The following CPSF6 variants were observed in gnomAD, a reference collection of about 807,000 sequenced individuals.
CPSF6 encodes the protein cleavage and polyadenylation specificity factor subunit 6.
In CPSF6, 10 loss-of-function variants were observed where a neutral mutation model predicts 56.7. The observed-to-expected ratio is 0.18, with a 90% CI of 0.11 to 0.30. The LOEUF is 0.30. Ranked by LOEUF, CPSF6 falls within the 10% of genes least tolerant of loss-of-function variation. The probability of loss-of-function intolerance (pLI) is 1.00; values close to 1 mark genes in which losing one functional copy is unlikely to be tolerated. For missense variants in CPSF6, 419 were observed against 722.9 expected, an observed-to-expected ratio of 0.58 and a Z score of 4.82; for synonymous variants, 248 against 244.8, an observed-to-expected ratio of 1.01 and a Z score of -0.12.
At chr12:69,245,224 A>G (rs1871836143) in intron 1 of CPSF6, among the ~76,000 whole-genome samples, 1 of 151,980 alleles carries the variant, frequency 6.6e-6, no homozygotes, top group African/African-American at 2.4e-5. Flanking sequence ...CTTTTATATG[A>G]CTGAGAGCAC....
At chr12:69,253,756 A>G (rs1210139269) in intron 3 of CPSF6, among the ~76,000 whole-genome samples, 1 of 152,282 alleles carries the variant, frequency 6.6e-6, no homozygotes, top group Middle Eastern at 3.4e-3. Context: ...AAATAAATAC[A>G]CATCCTCTCT....
At chr12:69,246,717 C>T (rs1404021908) in intron 1 of CPSF6, among the ~76,000 whole-genome samples, 1 of 152,112 alleles carries the variant, frequency 6.6e-6, no homozygotes, top group African/African-American at 2.4e-5. Context: ...AATGTAACTT[C>T]CCCCCTTCAT....
At chr12:69,262,607 A>T in intron 9 of CPSF6, 45 bp downstream of exon 9, 1 of 1,553,248 alleles carries the variant, frequency 6.4e-7, no homozygotes, top group Non-Finnish European at 8.7e-7. Flanking sequence ...TATTCTTAAC[A>T]GTAACTATAA....
intron 2 of CPSF6, 71 bp downstream of exon 2, chr12:69,251,409 T>C: frequency 9.7e-7 from 1 of 1,025,706 alleles, no homozygotes; most frequent in Non-Finnish European, 1.4e-6. Context: ...TTAATGTTTT[T>C]CTCCAGATTT....
chr12:69,262,639 A>G, intron 9 of CPSF6, 77 bp downstream of exon 9: 4 of 1,354,700 alleles, frequency 3.0e-6, no homozygotes, highest in Non-Finnish European at 3.9e-6. Context: ...CTGTTTATAC[A>G]GTATATACCT....
intron 9 of CPSF6, among the ~76,000 whole-genome samples, chr12:69,265,934 A>G (rs1346778516): frequency 6.6e-6 from 1 of 151,258 alleles, no homozygotes; most frequent in Non-Finnish European, 1.5e-5. Context: ...CCTACCTTAA[A>G]TATCATGATC....
At chr12:69,260,018 T>C in intron 7 of CPSF6, 26 bp from the exon 8 acceptor site, 1 of 1,606,784 alleles carries the variant, frequency 6.2e-7, no homozygotes, top group Non-Finnish European at 8.5e-7. Context: ...TTTGTTTGAC[T>C]TCAAACCCTT....
intron 1 of CPSF6, among the ~76,000 whole-genome samples, chr12:69,250,076 C>T (rs1872149763): frequency 6.6e-6 from 1 of 151,956 alleles, no homozygotes; most frequent in Non-Finnish European, 1.5e-5. Flanking sequence ...ACATGTATTT[C>T]GTTTATTTCT....
At chr12:69,240,082 C>T (rs1871526484) in intron 1 of CPSF6, among the ~76,000 whole-genome samples, 1 of 151,596 alleles carries the variant, frequency 6.6e-6, no homozygotes, top group Non-Finnish European at 1.5e-5. Flanking sequence ...GCCGCCGCCG[C>T]GCCCCCTCCC....
intron 2 of CPSF6, chr12:69,252,112 T>A (rs753648365): frequency 2.2e-6 from 1 of 454,902 alleles, no homozygotes; most frequent in South Asian, 1.6e-5. Context: ...CAAAACTCTG[T>A]CACCCAGGCT....
At chr12:69,259,633 C>A in intron 7 of CPSF6, 90 bp downstream of exon 7, 1 of 1,052,352 alleles carries the variant, frequency 9.5e-7, no homozygotes, top group Non-Finnish European at 1.4e-6. Context: ...AGGTCATTTA[C>A]ATGTAGTAGT....
At chr12:69,268,381 C>T (rs1036282331) in intron 9 of CPSF6, among the ~76,000 whole-genome samples, 1 of 151,442 alleles carries the variant, frequency 6.6e-6, no homozygotes, top group Non-Finnish European at 1.5e-5. Context: ...TAAGTTATTA[C>T]TGCTAGGCAG....
intron 4 of CPSF6, among the ~76,000 whole-genome samples, chr12:69,257,079 AG>A: frequency 6.6e-6 from 1 of 152,310 alleles, no homozygotes; most frequent in South Asian, 2.1e-4. Flanking sequence ...ACAATGTGCA[AG>A]TTCTATAGCC....
At chr12:69,249,221 A>T (rs915798637) in intron 1 of CPSF6, among the ~76,000 whole-genome samples, 4 of 134,864 alleles carry the variant, frequency 3.0e-5, no homozygotes, top group Non-Finnish European at 6.2e-5. Flanking sequence ...CAGTGAGCCG[A>T]GATTGCGCCA....
In CPSF6 at chr12:69,259,996, T is replaced by G. The variant is rs186080827; in HGVS notation, c.1316-48T>G. The stretch of plus-strand genomic sequence containing the variant: ...TTATCCCAAGTGGTTTGATGGTGTT[T>G]TGAAAACAAAATTTGTTTGACTTCA... On this transcript the variant is annotated intron_variant, in intron 7 of 9. Transcript: ENST00000435070. 511 of 1,600,122 alleles carry G rather than the reference T, an allele frequency of 3.2e-4. 5 individuals are homozygous for G. In the East Asian group the frequency reaches 0.011, roughly 36 times the overall value.
At chr12:69,265,829 C>T (rs186820867) in intron 9 of CPSF6, among the ~76,000 whole-genome samples, 3 of 151,608 alleles carry the variant, frequency 2.0e-5, no homozygotes, top group Non-Finnish European at 2.9e-5. Flanking sequence ...CTCAAACTCC[C>T]GACGTCAGGT....
chr12:69,263,965 CA>C (rs1872860637), intron 9 of CPSF6, among the ~76,000 whole-genome samples: 1 of 151,728 alleles, frequency 6.6e-6, no homozygotes, highest in Non-Finnish European at 1.5e-5. Context: ...TAATATGAGG[CA>C]AAAAAACCTT....
intron 4 of CPSF6, among the ~76,000 whole-genome samples, chr12:69,257,352 T>G (rs2120556616): frequency 6.6e-6 from 1 of 152,334 alleles, no homozygotes; most frequent in East Asian, 1.9e-4. Context: ...TAACAGAAAT[T>G]CAAGTGGTTC....
intron 3 of CPSF6, among the ~76,000 whole-genome samples, 193 bp downstream of exon 3, chr12:69,253,347 A>T (rs1026622523): frequency 3.3e-5 from 5 of 152,120 alleles, no homozygotes; most frequent in African/African-American, 9.7e-5. Context: ...TACCTAACAC[A>T]CTAAAACCAG....
Sources: allele counts gnomAD v4.1 joint callset (sites outside exome capture counted in the v4.1 genomes callset), GRCh38; gene constraint gnomAD v4.1.1; transcripts MANE v1.5; gene names NCBI Gene and HGNC (gene_info 2026-07-23, HGNC 2026-07-21).